CRYZL1: variants seen among roughly 807,000 people sequenced by gnomAD.
CRYZL1 encodes the protein crystallin zeta like 1.
CRYZL1 carries 34 observed loss-of-function variants against 50.6 expected under a neutral mutation model. That is an observed-to-expected ratio of 0.67 (90% CI 0.51 to 0.89). The LOEUF (loss-of-function observed/expected upper bound fraction) is 0.89. Ranked by LOEUF, CRYZL1 falls within the 40% of genes least tolerant of loss-of-function variation. The pLI is 0.00. For synonymous variants in CRYZL1, 125 were observed against 134.3 expected (o/e 0.93, Z 0.48); for missense variants, 354 against 402.3 (o/e 0.88, Z 1.03).
At position 33,608,973 on chromosome 21, in the gene CRYZL1, C is replaced by T. The variant is rs142453491; in HGVS notation, c.331+4565G>A. 1.9e-3 allele frequency among the ~76,000 whole-genome samples: 291 copies of T among 152,332 alleles called. 1 individual carries two copies. The highest frequency in any genetic ancestry group is 6.8e-3 in the Middle Eastern group (2 of 294). Reference sequence around the variant, plus strand: ...TACTAGTTTACATTCTCACCAATAGCGTACAAAGTTTCCCTTTTCTCCACA... The same window carrying T: ...TACTAGTTTACATTCTCACCAATAGTGTACAAAGTTTCCCTTTTCTCCACA... On this transcript the variant is annotated intron_variant, in intron 6 of 12. Transcript: ENST00000381554.
chr21:33,620,246 A>G (rs2086978580), intron 4 of CRYZL1, among the ~76,000 whole-genome samples: 1 of 152,230 alleles, frequency 6.6e-6, no homozygotes, highest in Non-Finnish European at 1.5e-5. Context: ...TCATTCGCAT[A>G]GGAGGTAAAA....
intron 1 of CRYZL1, among the ~76,000 whole-genome samples, chr21:33,635,818 T>C (rs1369788232): frequency 6.6e-6 from 1 of 151,676 alleles, no homozygotes; most frequent in Non-Finnish European, 1.5e-5. Flanking sequence ...CTGTCTCTAC[T>C]AAAAATACAA....
intron 4 of CRYZL1, among the ~76,000 whole-genome samples, chr21:33,618,194 C>T (rs1466281862): frequency 7.1e-6 from 1 of 140,152 alleles, no homozygotes; most frequent in Non-Finnish European, 1.5e-5. Context: ...GAGGCTGAGG[C>T]GGGAGGATAG....
intron 3 of CRYZL1, among the ~76,000 whole-genome samples, chr21:33,622,991 A>C (rs2087019990): frequency 7.0e-6 from 1 of 142,258 alleles, no homozygotes; most frequent in African/African-American, 2.6e-5. Flanking sequence ...TTTCAGATGG[A>C]GTCTCACTCT....
intron 2 of CRYZL1, among the ~76,000 whole-genome samples, chr21:33,625,156 T>C (rs1027808620): frequency 2.6e-5 from 4 of 151,654 alleles, no homozygotes; most frequent in African/African-American, 9.7e-5. Context: ...TAACCTTTAC[T>C]GATTTTTTTT....
chr21:33,591,038 CTAA>C lies in CRYZL1; in HGVS notation c.950+121_950+123del, dbSNP rs759654691. 3.8e-4 allele frequency: 274 copies of C among 729,468 alleles called. 1 individual carries two copies. The highest frequency in any genetic ancestry group is 5.7e-4 in the Non-Finnish European group (235 of 409,444). The allele number at this position is 729,468 out of a possible 1,614,324, so 45.2% of individuals were successfully genotyped here. On this transcript the variant is annotated intron_variant, in intron 12 of 12. Transcript: ENST00000381554. Reference sequence around the variant, plus strand: ...AAACCACAATTATGTTTGCACCAACCTAATAATAAAATATGGAGGCAACAGGTA... The same window carrying C: ...AAACCACAATTATGTTTGCACCAACCTAATAAAATATGGAGGCAACAGGTA...
intron 6 of CRYZL1, among the ~76,000 whole-genome samples, chr21:33,604,607 T>C (rs546467083): frequency 2.6e-5 from 4 of 152,340 alleles, no homozygotes; most frequent in Non-Finnish European, 1.5e-5. Flanking sequence ...TGCATTCTTT[T>C]CTACCTTGCT....
intron 4 of CRYZL1, among the ~76,000 whole-genome samples, chr21:33,621,713 A>T (rs1272143679): frequency 1.3e-5 from 2 of 152,190 alleles, no homozygotes; most frequent in Admixed American, 1.3e-4. Context: ...CCTGGGCTGC[A>T]TGCTGGTTGG....
At chr21:33,593,555 A>G (rs1022704533) in intron 11 of CRYZL1, among the ~76,000 whole-genome samples, 5 of 152,234 alleles carry the variant, frequency 3.3e-5, no homozygotes, top group Admixed American at 1.3e-4. Flanking sequence ...TCATATACAC[A>G]TGTCATGTTT....
intron 10 of CRYZL1, among the ~76,000 whole-genome samples, chr21:33,597,043 T>A (rs945231599): frequency 1.3e-5 from 2 of 151,618 alleles, no homozygotes; most frequent in Admixed American, 6.6e-5. Context: ...CTAATTTTTG[T>A]ATTTTTTGTA....
At chr21:33,624,603 G>A (rs2087038824) in intron 3 of CRYZL1, 80 bp downstream of exon 3, 2 of 1,549,282 alleles carry the variant, frequency 1.3e-6, no homozygotes, top group East Asian at 2.4e-5. Flanking sequence ...ACATTGAGAG[G>A]TCAGTTATCG....
chr21:33,613,217 TA>T (rs972490685), intron 6 of CRYZL1, among the ~76,000 whole-genome samples: 1 of 151,774 alleles, frequency 6.6e-6, no homozygotes, highest in East Asian at 1.9e-4. Context: ...TAACCAAGAG[TA>T]AAAAAAAATT....
chr21:33,597,229 T>G, intron 10 of CRYZL1, 51 bp downstream of exon 10: 2 of 1,568,926 alleles, frequency 1.3e-6, no homozygotes, highest in Non-Finnish European at 1.7e-6. Flanking sequence ...TATTGTTTGT[T>G]AATTACACCC....
chr21:33,623,737 C>T (rs1422942174), intron 3 of CRYZL1, among the ~76,000 whole-genome samples: 1 of 152,096 alleles, frequency 6.6e-6, no homozygotes, highest in Admixed American at 6.6e-5. Flanking sequence ...GTCATGTAAA[C>T]TATGGCATTA....
intron 9 of CRYZL1, among the ~76,000 whole-genome samples, 200 bp downstream of exon 9, chr21:33,598,950 C>T (rs1046879864): frequency 6.6e-6 from 1 of 151,996 alleles, no homozygotes; most frequent in Non-Finnish European, 1.5e-5. Context: ...TAAGCATGTT[C>T]TCTCTTACAT....
chr21:33,595,485 G>T, intron 11 of CRYZL1: 1 of 1,321,530 alleles, frequency 7.6e-7, no homozygotes, highest in Non-Finnish European at 1.0e-6. Flanking sequence ...CACTTGCTGC[G>T]TCCTTGAGTC....
intron 3 of CRYZL1, among the ~76,000 whole-genome samples, chr21:33,623,058 C>T (rs896749550): frequency 6.6e-6 from 1 of 150,636 alleles, no homozygotes; most frequent in Non-Finnish European, 1.5e-5. Context: ...CTCCGCCTCC[C>T]AGGTTCAAGC....
intron 4 of CRYZL1, among the ~76,000 whole-genome samples, chr21:33,619,935 G>A (rs547768685): frequency 6.6e-6 from 1 of 152,250 alleles, no homozygotes; most frequent in African/African-American, 2.4e-5. Flanking sequence ...GCCAGGTTAA[G>A]CAACTTTCTT....
At chr21:33,623,925 G>A (rs74495045) in intron 3 of CRYZL1, among the ~76,000 whole-genome samples, 7,802 of 152,012 alleles carry the variant, frequency 0.051, 667 homozygotes, top group African/African-American at 0.18. Context: ...ATGAGAGAGC[G>A]ACACAAAAAG....
Sources: allele counts gnomAD v4.1 joint callset (sites outside exome capture counted in the v4.1 genomes callset), GRCh38; gene constraint gnomAD v4.1.1; transcripts MANE v1.5; gene names NCBI Gene and HGNC (gene_info 2026-07-23, HGNC 2026-07-21).